Variants in MYH10 observed in about 807,000 individuals in gnomAD.
MYH10 encodes the protein myosin heavy chain 10.
In MYH10, 55 loss-of-function variants were observed where a neutral mutation model predicts 257.8. The observed-to-expected ratio is 0.21, with a 90% CI of 0.17 to 0.27. The LOEUF (loss-of-function observed/expected upper bound fraction) is 0.27, where lower values mean the gene tolerates loss of function less well. Ranked by LOEUF, MYH10 falls within the 10% of genes least tolerant of loss-of-function variation. MYH10 has a pLI of 1.00. For missense variants in MYH10, 1,631 were observed against 2,500.6 expected (o/e 0.65, Z 7.42); for synonymous variants, 854 against 921.7 (o/e 0.93, Z 1.33).
At chr17:8,547,439 T>G (rs7223997) in intron 11 of MYH10, among the ~76,000 whole-genome samples, 63,861 of 151,448 alleles carry the variant, frequency 0.42, 13,385 homozygotes, top group East Asian at 0.5. Context: ...TAATAGGAGG[T>G]GCCACAGCTT....
At chr17:8,501,135 C>T (rs1018237006) in intron 28 of MYH10, among the ~76,000 whole-genome samples, 165 bp from the exon 29 acceptor site, 2 of 152,060 alleles carry the variant, frequency 1.3e-5, no homozygotes, top group Non-Finnish European at 2.9e-5. Context: ...ACTGTGATAT[C>T]AGAAATCCTC....
chr17:8,585,250 ATC>A (rs1367356661), intron 4 of MYH10, among the ~76,000 whole-genome samples: 5 of 133,740 alleles, frequency 3.7e-5, no homozygotes, highest in African/African-American at 1.3e-4. Context: ...ATGTGTATAT[ATC>A]TATATATGTG....
At chr17:8,478,527 C>A in intron 40 of MYH10, 81 bp from the exon 41 acceptor site, 4 of 1,346,338 alleles carry the variant, frequency 3.0e-6, no homozygotes, top group Non-Finnish European at 4.2e-6. Context: ...AGCCCCTTTT[C>A]TTTGGGAAGA....
chr17:8,628,857 C>T (rs1454130317), intron 1 of MYH10, among the ~76,000 whole-genome samples: 1 of 152,234 alleles, frequency 6.6e-6, no homozygotes, highest in East Asian at 1.9e-4. Flanking sequence ...CCTTCCATCT[C>T]AGCTGCCTTC....
intron 30 of MYH10, among the ~76,000 whole-genome samples, chr17:8,496,595 C>T (rs1916671513): frequency 6.6e-6 from 1 of 152,184 alleles, no homozygotes; most frequent in African/African-American, 2.4e-5. Flanking sequence ...GGAACTGTCA[C>T]TCCCCTCCCT....
chr17:8,476,695 T>G (rs191437978), intron 42 of MYH10, among the ~76,000 whole-genome samples, 181 bp downstream of exon 42: 170 of 152,236 alleles, frequency 1.1e-3, no homozygotes, highest in South Asian at 7.0e-3. Flanking sequence ...TAGGGCCGCC[T>G]CCTCTTTTAT....
At position 8,569,896 on chromosome 17, in the gene MYH10, T is replaced by C; in HGVS notation, c.664-84A>G. The C allele has an allele frequency of 9.6e-7, 1 of 1,038,186 alleles. No individual in the cohort carries two copies. The highest frequency in any genetic ancestry group is 1.4e-6 in the Non-Finnish European group (1 of 722,576). The allele number at this position is 1,038,186 out of a possible 1,614,324, so 64.3% of individuals were successfully genotyped here. A position where few individuals can be genotyped will look rare whatever the true frequency, so the allele number is the denominator to read the frequency against. ...CTCAAGTCATCAGGGGAAAAATTTCTAAAAAAGAAACTGCATCTTTTCCTC... is the reference window on the plus strand; with the variant it reads ...CTCAAGTCATCAGGGGAAAAATTTCCAAAAAAGAAACTGCATCTTTTCCTC... On this transcript the variant is annotated intron_variant, in intron 6 of 42. Transcript: ENST00000360416. The surrounding 1 kb of genome is among the most constrained non-coding windows in gnomAD (Gnocchi z 4.1).
At chr17:8,584,090 C>G (rs187223589) in intron 4 of MYH10, among the ~76,000 whole-genome samples, 11 of 152,262 alleles carry the variant, frequency 7.2e-5, no homozygotes, top group African/African-American at 2.6e-4. Flanking sequence ...CCACTCTCTC[C>G]TGAGAGAGGA....
intron 32 of MYH10, 64 bp from the exon 33 acceptor site, chr17:8,493,088 G>A (rs1916033588): frequency 6.5e-7 from 1 of 1,549,606 alleles, no homozygotes; most frequent in Non-Finnish European, 8.7e-7. Flanking sequence ...GGCCAGGCAT[G>A]GTGGCTCACG....
chr17:8,523,955 G>A (rs1268839815), intron 17 of MYH10, among the ~76,000 whole-genome samples: 1 of 152,166 alleles, frequency 6.6e-6, no homozygotes, highest in Non-Finnish European at 1.5e-5. Flanking sequence ...AGTAAGTCTG[G>A]GATGCCTGGG....
intron 42 of MYH10, 45 bp downstream of exon 42, chr17:8,476,831 C>G (rs982020333): frequency 2.5e-6 from 4 of 1,580,728 alleles, no homozygotes; most frequent in Non-Finnish European, 3.4e-6. Context: ...CTAAGCTAAC[C>G]CACAAAGCAG....
chr17:8,535,717 A>G lies in MYH10; in HGVS notation c.1779+41T>C, dbSNP rs1567862473. Reference sequence around the variant, plus strand: ...ATAAAAATGTAGCAAAATTTCAAACACAGCCATTTTAATCCAGTTATTCAA... The same window carrying G: ...ATAAAAATGTAGCAAAATTTCAAACGCAGCCATTTTAATCCAGTTATTCAA... On this transcript the variant is annotated intron_variant, in intron 15 of 42. Transcript: ENST00000360416. This position sits in a 1 kb window ranked among gnomAD's most constrained non-coding sequence, Gnocchi z 4.3. 6.3e-7 allele frequency: 1 copy of G among 1,577,690 alleles called. No individual in the cohort carries two copies. The highest frequency in any genetic ancestry group is 8.6e-7 in the Non-Finnish European group (1 of 1,158,260).
At chr17:8,561,160 A>G in intron 7 of MYH10, 1 of 643,584 alleles carries the variant, frequency 1.6e-6, no homozygotes, top group Non-Finnish European at 2.8e-6. Flanking sequence ...CTCAGTAACA[A>G]AAACAAACAA....
intron 6 of MYH10, among the ~76,000 whole-genome samples, chr17:8,570,474 T>C (rs537470516): frequency 2.0e-5 from 3 of 152,304 alleles, no homozygotes; most frequent in African/African-American, 7.2e-5. Context: ...GGTGGAAATA[T>C]ATTAATACGT....
chr17:8,511,023 T>TATATATATATATAC (rs1567822931), intron 24 of MYH10: 8 of 3,952 alleles, frequency 2.0e-3, no homozygotes, highest in Non-Finnish European at 5.4e-3. Context: ...CCCATATATA[T>TATATATATATATAC]ATATATATAT....
In MYH10 at chr17:8,569,729, T is replaced by A. The variant is rs759024121; in HGVS notation, c.747A>T (p.Ser249=). The change falls in exon 7 of 43, where the codon TCA becomes TCT. Residue 249 remains serine (S), a synonymous_variant. Transcript: ENST00000360416. This position sits in a 1 kb window ranked among gnomAD's most constrained non-coding sequence, Gnocchi z 4.1. ...GTGCTTTGAAACTTACAAAACGAGA[T>A]GAGTTATCATTTTTCACAGTCTTCG... The part of the protein sequence containing the change: ...GNAKTVKNDN[S]SRFGKFIRIN... 1 of 1,606,804 alleles carries A rather than the reference T, an allele frequency of 6.2e-7. No homozygotes were observed. Among genetic ancestry groups the A allele is most frequent in the Non-Finnish European group, 8.5e-7 (1 of 1,176,072 alleles).
At chr17:8,591,991 T>C (rs2152052436) in intron 3 of MYH10, among the ~76,000 whole-genome samples, 1 of 152,288 alleles carries the variant, frequency 6.6e-6, no homozygotes, top group East Asian at 1.9e-4. Context: ...ACTACGACAG[T>C]TTCCAATGAT....
At chr17:8,627,236 T>C (rs527834602) in intron 1 of MYH10, among the ~76,000 whole-genome samples, 2 of 152,262 alleles carry the variant, frequency 1.3e-5, no homozygotes, top group Admixed American at 1.3e-4. Context: ...AACTAAACAC[T>C]ATGAGGAGAG....
intron 7 of MYH10, among the ~76,000 whole-genome samples, chr17:8,558,075 CG>C (rs2151975986): frequency 6.6e-6 from 1 of 152,194 alleles, no homozygotes; most frequent in Non-Finnish European, 1.5e-5. Context: ...AATTAAGAGT[CG>C]CATAATAAAA....
Sources: allele counts gnomAD v4.1 joint callset (sites outside exome capture counted in the v4.1 genomes callset), GRCh38; gene constraint gnomAD v4.1.1; non-coding constraint Gnocchi (gnomAD v3.1); transcripts MANE v1.5; gene names NCBI Gene and HGNC (gene_info 2026-07-23, HGNC 2026-07-21).